Variants in LRPPRC observed in about 807,000 individuals in gnomAD.
LRPPRC encodes leucine rich pentatricopeptide repeat containing, also known as leucine-rich PPR motif-containing protein, mitochondrial.
LRPPRC carries 120 observed loss-of-function variants against 180.3 expected under a neutral mutation model. The ratio of observed to expected loss-of-function variants is 0.67; its 90% CI spans 0.57 to 0.77. LRPPRC has a LOEUF of 0.77. Ranked by LOEUF, LRPPRC falls within the 30% of genes least tolerant of loss-of-function variation. The pLI, the probability that LRPPRC is intolerant of heterozygous loss-of-function variation, is 0.00. For synonymous variants in LRPPRC, 723 were observed against 600.0 expected (o/e 1.21, Z -3.00); for missense variants, 2,012 against 1,657.2 (o/e 1.21, Z -3.72).
chr2:43,988,606 T>C (rs1352222730), intron 1 of LRPPRC, among the ~76,000 whole-genome samples: 1 of 152,082 alleles, frequency 6.6e-6, no homozygotes, highest in East Asian at 1.9e-4. Context: ...GCTCAATAAA[T>C]GCCTCTGAGT....
intron 30 of LRPPRC, among the ~76,000 whole-genome samples, chr2:43,909,031 T>A (rs557737695): frequency 6.6e-6 from 1 of 152,302 alleles, no homozygotes; most frequent in South Asian, 2.1e-4. Context: ...TGATCACTGA[T>A]ACAGAATGGG....
intron 23 of LRPPRC, 82 bp downstream of exon 23, chr2:43,943,605 G>A (rs1672568293): frequency 1.8e-6 from 2 of 1,132,372 alleles, no homozygotes; most frequent in South Asian, 1.2e-5. Flanking sequence ...CATCATGAGG[G>A]TATTTATAAA....
intron 11 of LRPPRC, among the ~76,000 whole-genome samples, chr2:43,966,407 C>T (rs1447694002): frequency 7.2e-6 from 1 of 138,392 alleles, no homozygotes; most frequent in Non-Finnish European, 1.6e-5. Flanking sequence ...AGTGTTCTGG[C>T]CACAATATTT....
chr2:43,888,902 A>G (rs1404713594), intron 37 of LRPPRC, among the ~76,000 whole-genome samples: 5 of 139,790 alleles, frequency 3.6e-5, no homozygotes, highest in Admixed American at 7.1e-5. Flanking sequence ...ATGTGCAAGC[A>G]TGTGTGTGTG....
chr2:43,953,152 G>T (rs768820118), intron 14 of LRPPRC, among the ~76,000 whole-genome samples: 4 of 152,070 alleles, frequency 2.6e-5, no homozygotes, highest in Non-Finnish European at 5.9e-5. Flanking sequence ...TTTCTCTGCA[G>T]CCCCTGCCCT....
In LRPPRC at chr2:43,974,296, C is replaced by T. The variant is rs1334556134; in HGVS notation, c.1010-1G>A. On this transcript the variant is annotated splice_acceptor_variant, in intron 8 of 37. Transcript: ENST00000260665. LOFTEE classifies it high-confidence loss of function. ...AAAAGTAAAATGAGGTTCATTGCAT[C>T]TGGGAAGAAAACAAAGACATCTTTT... 6.2e-7 allele frequency: 1 copy of T among 1,609,094 alleles called. No homozygotes were observed. Among genetic ancestry groups the T allele is most frequent in the Admixed American group, 1.7e-5 (1 of 60,014 alleles).
intron 25 of LRPPRC, among the ~76,000 whole-genome samples, chr2:43,929,853 T>C (rs1410396840): frequency 1.3e-5 from 2 of 152,098 alleles, no homozygotes; most frequent in African/African-American, 4.8e-5. Context: ...ATTATCCACT[T>C]GACCAGGTGT....
chr2:43,983,132 C>A (rs1674385005), intron 1 of LRPPRC, among the ~76,000 whole-genome samples: 1 of 151,824 alleles, frequency 6.6e-6, no homozygotes, highest in Non-Finnish European at 1.5e-5. Context: ...TTAAGGAAGC[C>A]AGAATGGAAA....
At chr2:43,981,304 A>C (rs1163126249) in intron 2 of LRPPRC, among the ~76,000 whole-genome samples, 1 of 149,246 alleles carries the variant, frequency 6.7e-6, no homozygotes, top group East Asian at 1.9e-4. Flanking sequence ...CAAGAAACTT[A>C]CTACTAAAAG....
rs1672855694 is a variant in LRPPRC at position 43,950,469 on chromosome 2, AG to A, written c.1677+103del. The A allele has an allele frequency of 1.0e-4, 111 of 1,060,224 alleles. 1 individual carries two copies. The South Asian group carries it at 1.4e-3, about 13-fold the overall frequency. The allele number at this position is 1,060,224 out of a possible 1,614,324, so 65.7% of individuals were successfully genotyped here. A position where few individuals can be genotyped will look rare whatever the true frequency, so the allele number is the denominator to read the frequency against. ...TTAACTCTGCCAGCAAAATTTTAGT[AG>A]AAAACCAAATATAGGTTTCATGATA... On this transcript the variant is annotated intron_variant, in intron 15 of 37. Coordinates refer to ENST00000260665, the MANE Select transcript of LRPPRC (RefSeq NM_133259.4).
rs1464873912 is a variant in LRPPRC at position 43,946,085 on chromosome 2, C to G, written c.2210+28G>C. 3.7e-6 allele frequency: 6 copies of G among 1,608,690 alleles called. No homozygotes were observed. In the African/African-American group the frequency reaches 8.0e-5, roughly 22 times the overall value. Reference sequence around the variant, plus strand: ...GTCTGTAGAGCAGAATAAATGTTGACAACTTGTTTCAGTGCCAGGGTACTC... The same window carrying G: ...GTCTGTAGAGCAGAATAAATGTTGAGAACTTGTTTCAGTGCCAGGGTACTC... On this transcript the variant is annotated intron_variant, in intron 21 of 37. Coordinates refer to ENST00000260665, the MANE Select transcript of LRPPRC (RefSeq NM_133259.4).
chr2:43,956,512 T>TGTGTGTGTGTGTGTGTGTGTGTAG (rs1410056573), intron 14 of LRPPRC, among the ~76,000 whole-genome samples: 1 of 151,432 alleles, frequency 6.6e-6, no homozygotes, highest in Admixed American at 6.6e-5. Flanking sequence ...TGTGTGTGTG[T>TGTGTGTGTGTGTGTGTGTGTGTAG]GTAGGTACTT....
chr2:43,957,302 T>C lies in LRPPRC; in HGVS notation c.1649+83A>G. ...GTACACTGAAAGATAAGAATATTTGTATTTTTCCTCATGCAATAAGTCAAA... is the reference window on the plus strand; with the variant it reads ...GTACACTGAAAGATAAGAATATTTGCATTTTTCCTCATGCAATAAGTCAAA... On this transcript the variant is annotated intron_variant, in intron 14 of 37. Coordinates refer to ENST00000260665, the MANE Select transcript of LRPPRC (RefSeq NM_133259.4). 3 of 913,194 alleles carry C rather than the reference T, an allele frequency of 3.3e-6. No homozygotes were observed. The South Asian group carries it at 4.0e-5, about 12-fold the overall frequency. 56.6% of individuals were successfully genotyped at this position (913,194 alleles called of 1,614,324 possible).
chr2:43,994,010 C>T (rs1365306457), intron 1 of LRPPRC, among the ~76,000 whole-genome samples: 1 of 151,998 alleles, frequency 6.6e-6, no homozygotes, highest in Non-Finnish European at 1.5e-5. Context: ...AACACCGAGA[C>T]CACCCTTTCT....
chr2:43,888,690 T>A (rs748743188), intron 37 of LRPPRC, 34 bp from the exon 38 acceptor site: 11 of 1,197,002 alleles, frequency 9.2e-6, no homozygotes, highest in Non-Finnish European at 1.4e-5. Flanking sequence ...AAGTTAGAGA[T>A]ACCAGCAAGA....
At chr2:43,952,423 C>T (rs1226534374) in intron 14 of LRPPRC, among the ~76,000 whole-genome samples, 1 of 152,130 alleles carries the variant, frequency 6.6e-6, no homozygotes, top group Non-Finnish European at 1.5e-5. Context: ...GGAACAGTTA[C>T]CAGTGCCCAA....
At chr2:43,890,161 T>C (rs182400237) in intron 36 of LRPPRC, 1 of 451,838 alleles carries the variant, frequency 2.2e-6, no homozygotes, top group Non-Finnish European at 4.2e-6. Context: ...TTACATTATT[T>C]AAGACCTATG....
In LRPPRC at chr2:43,899,500, T is replaced by C; in HGVS notation, c.3675A>G (p.Val1225=). 1.2e-6 allele frequency: 2 copies of C among 1,614,112 alleles called. No homozygotes were observed. The highest frequency in any genetic ancestry group is 8.5e-7 in the Non-Finnish European group (1 of 1,179,934). Reference sequence around the variant, plus strand: ...CTGCTGGTTCCAACTGCTCCTCTATTACTTTTCTGAATAAGTATGCCAAGC... The same window carrying C: ...CTGCTGGTTCCAACTGCTCCTCTATCACTTTTCTGAATAAGTATGCCAAGC... ...YFGLAYLFRK[V]IEEQLEPAVE... The change falls in exon 33 of 38, where the codon GTA becomes GTG. Residue 1225 remains valine (V), a synonymous_variant. Coordinates refer to ENST00000260665, the MANE Select transcript of LRPPRC (RefSeq NM_133259.4).
intron 25 of LRPPRC, among the ~76,000 whole-genome samples, chr2:43,930,074 G>A (rs1226171706): frequency 1.3e-5 from 2 of 152,088 alleles, no homozygotes; most frequent in Admixed American, 6.6e-5. Flanking sequence ...AATCAGATCT[G>A]GAAAAGAACA....
Sources: allele counts gnomAD v4.1 joint callset (sites outside exome capture counted in the v4.1 genomes callset), GRCh38; gene constraint gnomAD v4.1.1; transcripts MANE v1.5; gene names NCBI Gene and HGNC (gene_info 2026-07-23, HGNC 2026-07-21).